CYP20A1: variants seen among roughly 807,000 people sequenced by gnomAD.
The protein encoded by CYP20A1 is cytochrome P450 20A1.
CYP20A1 carries 61 observed loss-of-function variants against 61.4 expected under a neutral mutation model. The observed-to-expected ratio is 0.99, with a 90% CI of 0.81 to 1.23. The LOEUF is 1.23. Ranked by LOEUF, CYP20A1 falls within the 50% of genes most tolerant of loss-of-function variation. CYP20A1 has a pLI of 0.00. For synonymous variants in CYP20A1, 193 were observed against 188.2 expected (o/e 1.03, Z -0.21); for missense variants, 530 against 542.4 (o/e 0.98, Z 0.23).
intron 11 of CYP20A1, among the ~76,000 whole-genome samples, chr2:203,293,680 A>G (rs1463138998): frequency 6.6e-6 from 1 of 151,846 alleles, no homozygotes; most frequent in Non-Finnish European, 1.5e-5. Flanking sequence ...ACTGTACCCA[A>G]TGTGTAGTCT....
chr2:203,271,054 GTA>G (rs869253470), intron 5 of CYP20A1, among the ~76,000 whole-genome samples: 427 of 40,284 alleles, frequency 0.011, 4 homozygotes, highest in African/African-American at 0.02. Flanking sequence ...ATGTATATGT[GTA>G]TATATATATA....
At chr2:203,264,742 G>A (rs1036059833) in intron 4 of CYP20A1, among the ~76,000 whole-genome samples, 9 of 151,358 alleles carry the variant, frequency 5.9e-5, no homozygotes, top group African/African-American at 1.7e-4. Context: ...CCTTTCTTTC[G>A]TTTTTTAGAC....
In CYP20A1 at chr2:203,305,107, T is replaced by A. The variant is rs4675331; in HGVS notation, c.*8199T>A. On this transcript the variant is annotated 3_prime_UTR_variant, in exon 13 of 13. Coordinates refer to ENST00000356079, the MANE Select transcript of CYP20A1 (RefSeq NM_177538.3). The stretch of plus-strand genomic sequence containing the variant: ...TAAAGTTTGAGTTGGGACCCATTTT[T>A]TAAGACATTCAGGCTATAAACAAGG... 1.3e-5 allele frequency among the ~76,000 whole-genome samples: 2 copies of A among 151,360 alleles called. No individual in the cohort carries two copies. The highest frequency in any genetic ancestry group is 2.9e-5 in the Non-Finnish European group (2 of 67,974).
intron 6 of CYP20A1, 76 bp from the exon 7 acceptor site, chr2:203,278,497 T>C (rs2067913440): frequency 3.4e-6 from 2 of 588,656 alleles, no homozygotes; most frequent in Non-Finnish European, 2.9e-6. Context: ...ATAGTAACAT[T>C]GCACAGAATT....
chr2:203,243,866 T>G (rs907491578), intron 1 of CYP20A1, among the ~76,000 whole-genome samples: 1 of 151,964 alleles, frequency 6.6e-6, no homozygotes, highest in African/African-American at 2.4e-5. Context: ...TTTTTTGTAC[T>G]TTTTAAAGAG....
At chr2:203,267,994 T>C (rs1559095944) in intron 5 of CYP20A1, among the ~76,000 whole-genome samples, 1 of 152,126 alleles carries the variant, frequency 6.6e-6, no homozygotes, top group Admixed American at 6.6e-5. Flanking sequence ...TCCAGAAAAG[T>C]TACAGTTAAT....
At chr2:203,240,587 G>A (rs2066221987) in intron 1 of CYP20A1, among the ~76,000 whole-genome samples, 1 of 152,156 alleles carries the variant, frequency 6.6e-6, no homozygotes, top group Non-Finnish European at 1.5e-5. Flanking sequence ...CAGGAGATAC[G>A]GAGACATTTG....
intron 1 of CYP20A1, among the ~76,000 whole-genome samples, chr2:203,239,684 T>C (rs1212331100): frequency 6.6e-6 from 1 of 152,070 alleles, no homozygotes; most frequent in Non-Finnish European, 1.5e-5. Context: ...AATGCTTCTT[T>C]GGGGAGAGCG....
At chr2:203,279,812 T>C (rs1380190727) in intron 7 of CYP20A1, among the ~76,000 whole-genome samples, 1 of 152,292 alleles carries the variant, frequency 6.6e-6, no homozygotes, top group South Asian at 2.1e-4. Context: ...CGAAAATCAC[T>C]TGTACTCCCA....
intron 4 of CYP20A1, among the ~76,000 whole-genome samples, chr2:203,256,016 T>A (rs2066880728): frequency 6.6e-6 from 1 of 152,176 alleles, no homozygotes; most frequent in Non-Finnish European, 1.5e-5. Flanking sequence ...TAGGCTGTAG[T>A]GCAATGACCT....
chr2:203,294,124 A>C (rs971299750), intron 11 of CYP20A1, among the ~76,000 whole-genome samples: 3 of 152,074 alleles, frequency 2.0e-5, no homozygotes, highest in African/African-American at 7.2e-5. Context: ...AACTGGAACT[A>C]TAGGTATACG....
At chr2:203,243,855 A>G (rs964353599) in intron 1 of CYP20A1, among the ~76,000 whole-genome samples, 1 of 151,626 alleles carries the variant, frequency 6.6e-6, no homozygotes, top group African/African-American at 2.4e-5. Flanking sequence ...CACCCGGCGA[A>G]TTTTTTGTAC....
Position 203,278,630 on chromosome 2 carries a change from A to C in CYP20A1, c.737A>C (p.Asn246Thr), listed in dbSNP as rs191730445. Residue 246 changes from asparagine (N) to threonine (T), a missense_variant, in exon 7 of 13, where the codon AAC (asparagine) becomes ACC (threonine). Coordinates refer to ENST00000356079, the MANE Select transcript of CYP20A1 (RefSeq NM_177538.3). ...ATCATAAAAGAACGAAAAGGAAGGA[A>C]CTTCAGTCAACATATTTTCATTGAC... ...RNIIKERKGR[N>T]FSQHIFIDSL... 6 of 1,608,088 alleles carry C rather than the reference A, an allele frequency of 3.7e-6. No individual in the cohort carries two copies. In the Admixed American group the frequency reaches 1.0e-4, roughly 27 times the overall value.
At chr2:203,249,675 T>C (rs2066589259) in intron 3 of CYP20A1, among the ~76,000 whole-genome samples, 1 of 151,972 alleles carries the variant, frequency 6.6e-6, no homozygotes, top group Non-Finnish European at 1.5e-5. Context: ...TGAAACCCCG[T>C]CTCTACTAAA....
Position 203,278,560 on chromosome 2 carries a change from T to C in CYP20A1, c.680-13T>C, listed in dbSNP as rs952515261. ...TGCTTGTATTCTAAAATTATTTTGTTTTTTTCTCTAAGCCCTCATGCAACT... is the reference window on the plus strand; with the variant it reads ...TGCTTGTATTCTAAAATTATTTTGTCTTTTTCTCTAAGCCCTCATGCAACT... On this transcript the variant is annotated splice_polypyrimidine_tract_variant and intron_variant, in intron 6 of 12. Transcript: ENST00000356079. 5.7e-6 allele frequency: 8 copies of C among 1,395,314 alleles called. No homozygotes were observed. The highest frequency in any genetic ancestry group is 7.9e-6 in the Non-Finnish European group (8 of 1,013,576). 86.4% of individuals were successfully genotyped at this position (1,395,314 alleles called of 1,614,324 possible). A position where few individuals can be genotyped will look rare whatever the true frequency, so the allele number is the denominator to read the frequency against.
At chr2:203,272,613 A>G (rs1206447012) in intron 5 of CYP20A1, 57 bp from the exon 6 acceptor site, 5 of 911,920 alleles carry the variant, frequency 5.5e-6, no homozygotes, top group South Asian at 4.7e-5. Context: ...ATTGCTCTGT[A>G]TTATTTTTAA....
At chr2:203,253,661 G>A (rs2066784956) in intron 4 of CYP20A1, among the ~76,000 whole-genome samples, 1 of 152,224 alleles carries the variant, frequency 6.6e-6, no homozygotes, top group Non-Finnish European at 1.5e-5. Context: ...AACATAAGTT[G>A]TGGCCTTGCA....
At chr2:203,265,606 A>G (rs1169893909) in intron 4 of CYP20A1, among the ~76,000 whole-genome samples, 2 of 152,214 alleles carry the variant, frequency 1.3e-5, no homozygotes, top group Admixed American at 6.5e-5. Flanking sequence ...ATATAAAGAT[A>G]AGGGATTTTG....
rs1398519865 is a variant in CYP20A1, at chr2:203,297,128, T to C, written c.*220T>C. On this transcript the variant is annotated 3_prime_UTR_variant, in exon 13 of 13. Transcript: ENST00000356079. ...TATTGATCATTTTAATGGGAAACTTTAGCTTTCTACTTTTTATTTTTGTTT... is the reference window on the plus strand; with the variant it reads ...TATTGATCATTTTAATGGGAAACTTCAGCTTTCTACTTTTTATTTTTGTTT... The C allele has an allele frequency of 6.7e-6, 2 of 297,080 alleles. No homozygotes were observed. Among genetic ancestry groups the C allele is most frequent in the African/African-American group, 2.2e-5 (1 of 45,838 alleles). The allele number at this position is 297,080 out of a possible 1,614,324, so 18.4% of individuals were successfully genotyped here. A position where few individuals can be genotyped will look rare whatever the true frequency, so the allele number is the denominator to read the frequency against.
Sources: gnomAD v4.1 joint callset for allele counts (sites outside exome capture counted in the v4.1 genomes callset) on GRCh38, gnomAD v4.1.1 for gene constraint, MANE v1.5 for transcripts, NCBI Gene and HGNC (gene_info 2026-07-23, HGNC 2026-07-21) for gene names.